The following ACO1 variants were observed in gnomAD, a reference collection of about 807,000 sequenced individuals.
The protein encoded by ACO1 is cytoplasmic aconitate hydratase.
ACO1 carries 78 observed loss-of-function variants against 105.1 expected under a neutral mutation model. That is an observed-to-expected ratio of 0.74 (90% confidence interval 0.62 to 0.90). The LOEUF is 0.90. ACO1 is among the 40% of genes least tolerant of loss of function. The probability of loss-of-function intolerance (pLI) is 0.00; values close to 1 mark genes in which losing one functional copy is unlikely to be tolerated. For synonymous variants in ACO1, 364 were observed against 397.4 expected (o/e 0.92, Z 1.00); for missense variants, 965 against 1,111.1 (o/e 0.87, Z 1.87).
At chr9:32,408,207 T>A (rs888800379) in intron 3 of ACO1, among the ~76,000 whole-genome samples, 1 of 152,194 alleles carries the variant, frequency 6.6e-6, no homozygotes, top group African/African-American at 2.4e-5. Context: ...CTCACAGCAG[T>A]AAGAGTTCCA....
chr9:32,440,404 G>T, intron 18 of ACO1, 61 bp from the exon 19 acceptor site: 1 of 1,607,430 alleles, frequency 6.2e-7, no homozygotes, highest in East Asian at 2.2e-5. Context: ...CAGGGCTCAG[G>T]GGACCTGTGT....
chr9:32,422,157 T>C (rs1190150720), intron 8 of ACO1, among the ~76,000 whole-genome samples: 5 of 152,204 alleles, frequency 3.3e-5, no homozygotes, highest in Non-Finnish European at 5.9e-5. Flanking sequence ...GAGATGGATC[T>C]AGAGGGAAGG....
chr9:32,443,121 G>C (rs1355628013), intron 19 of ACO1, among the ~76,000 whole-genome samples: 1 of 152,036 alleles, frequency 6.6e-6, no homozygotes, highest in Non-Finnish European at 1.5e-5. Context: ...GTAGGGCACA[G>C]ACCAGTAAAT....
intron 6 of ACO1, 137 bp downstream of exon 6, chr9:32,418,648 TC>T: frequency 2.0e-6 from 2 of 1,002,644 alleles, no homozygotes; most frequent in Non-Finnish European, 2.9e-6. Flanking sequence ...CTGCTGTTTT[TC>T]CAGTGCCTAG....
At position 32,440,793 on chromosome 9, in the gene ACO1, A is replaced by G. The variant is rs141406362; in HGVS notation, c.2370+206A>G. Among the ~76,000 whole-genome samples the G allele has an allele frequency of 7.8e-3, 1,190 of 152,324 alleles. 14 individuals are homozygous for G. Among genetic ancestry groups the G allele is most frequent in the African/African-American group, 0.027 (1,130 of 41,574 alleles). On this transcript the variant is annotated intron_variant, in intron 19 of 20. Transcript: ENST00000309951. ...GGCAATGCAGAGTTGAACTGGATCT[A>G]TCATTCATTAATGGACCTTGGGGGC...
chr9:32,423,721 A>G (rs1822027043), intron 9 of ACO1, among the ~76,000 whole-genome samples: 1 of 152,236 alleles, frequency 6.6e-6, no homozygotes, highest in Non-Finnish European at 1.5e-5. Context: ...CTAAAGGAAT[A>G]AGAATGATAC....
At chr9:32,423,550 T>C (rs1822023744) in intron 9 of ACO1, 131 bp downstream of exon 9, 1 of 703,180 alleles carries the variant, frequency 1.4e-6, no homozygotes, top group African/African-American at 1.9e-5. Context: ...GAACGGAGTT[T>C]TAGAAGGTTG....
At chr9:32,427,726 T>A (rs1294048898) in intron 12 of ACO1, among the ~76,000 whole-genome samples, 2 of 152,178 alleles carry the variant, frequency 1.3e-5, no homozygotes, top group Non-Finnish European at 2.9e-5. Flanking sequence ...CACACTACTG[T>A]TGACTTTATA....
At position 32,450,498 on chromosome 9, in the gene ACO1, C is replaced by T. The variant is rs1822740161; in HGVS notation, c.*387C>T. 6.5e-6 allele frequency: 2 copies of T among 309,388 alleles called. No homozygotes were observed. Among genetic ancestry groups the T allele is most frequent in the Non-Finnish European group, 1.3e-5 (2 of 158,958 alleles). The allele number at this position is 309,388 out of a possible 1,614,324, so 19.2% of individuals were successfully genotyped here. A position where few individuals can be genotyped will look rare whatever the true frequency, so the allele number is the denominator to read the frequency against. On this transcript the variant is annotated 3_prime_UTR_variant, in exon 21 of 21. Transcript: ENST00000309951. ...CTACCCTCTTATTGTTCCTCTTACG[C>T]TCTGCTCAATGAAACCTTCCTCTTG...
At chr9:32,387,127 C>A (rs1821171975) in intron 1 of ACO1, among the ~76,000 whole-genome samples, 1 of 152,166 alleles carries the variant, frequency 6.6e-6, no homozygotes, top group Non-Finnish European at 1.5e-5. Flanking sequence ...CCCCACTCTT[C>A]CTTCTACATA....
In ACO1 at chr9:32,401,584, GGTGCCATGCCTTA is replaced by G. The variant is rs1821496914; in HGVS notation, c.-22-3891_-22-3879del. On this transcript the variant is annotated intron_variant, in intron 1 of 20. Transcript: ENST00000309951. ...TGTCCCTAGGGAATGGTGACAGGTT[GGTGCCATGCCTTA>G]GTGCCATGCTATGTATGCACAAAAG... Among the ~76,000 whole-genome samples, 3 of 152,146 alleles carry G rather than the reference GGTGCCATGCCTTA, an allele frequency of 2.0e-5. No homozygotes were observed. In the South Asian group the frequency reaches 6.2e-4, roughly 32 times the overall value.
chr9:32,398,832 C>G (rs906165799), intron 1 of ACO1, among the ~76,000 whole-genome samples: 11 of 152,112 alleles, frequency 7.2e-5, no homozygotes, highest in African/African-American at 2.4e-4. Context: ...TGGGCTCAAG[C>G]AGTCCACCCA....
intron 18 of ACO1, among the ~76,000 whole-genome samples, chr9:32,438,439 A>T (rs1378951087): frequency 6.6e-6 from 1 of 152,212 alleles, no homozygotes; most frequent in East Asian, 1.9e-4. Flanking sequence ...ACAGGAATGC[A>T]CCAAGCCCAG....
chr9:32,403,012 A>T (rs998777643), intron 1 of ACO1, among the ~76,000 whole-genome samples: 8 of 152,174 alleles, frequency 5.3e-5, no homozygotes, highest in Non-Finnish European at 1.2e-4. Flanking sequence ...AAAGAAGTAA[A>T]GGCAACTCCA....
intron 1 of ACO1, among the ~76,000 whole-genome samples, chr9:32,403,265 G>T (rs1821537162): frequency 6.6e-6 from 1 of 152,208 alleles, no homozygotes. Flanking sequence ...TGGAAATAAT[G>T]ATAGATTTCA....
intron 9 of ACO1, among the ~76,000 whole-genome samples, chr9:32,423,872 C>T (rs1265167052): frequency 6.6e-6 from 1 of 152,066 alleles, no homozygotes; most frequent in Non-Finnish European, 1.5e-5. Context: ...ATTCATGTAA[C>T]CAAACACCAC....
At chr9:32,400,349 T>C (rs796244762) in intron 1 of ACO1, among the ~76,000 whole-genome samples, 5 of 150,094 alleles carry the variant, frequency 3.3e-5, no homozygotes, top group African/African-American at 1.2e-4. Flanking sequence ...TTTGGTATCC[T>C]GCTGAGATTG....
intron 1 of ACO1, among the ~76,000 whole-genome samples, chr9:32,399,964 C>CTTT (rs1300474052): frequency 4.7e-4 from 20 of 42,420 alleles, no homozygotes; most frequent in South Asian, 8.4e-4. Flanking sequence ...TTTTCTTTTT[C>CTTT]TGTTTTTTTT....
At chr9:32,418,090 G>C in intron 4 of ACO1, 38 bp from the exon 5 acceptor site, 1 of 1,588,844 alleles carries the variant, frequency 6.3e-7, no homozygotes, top group Non-Finnish European at 8.6e-7. Flanking sequence ...AATATGTTAA[G>C]TCTCAAATTG....
Sources: gnomAD v4.1 joint callset for allele counts (sites outside exome capture counted in the v4.1 genomes callset) on GRCh38, gnomAD v4.1.1 for gene constraint, MANE v1.5 for transcripts, NCBI Gene and HGNC (gene_info 2026-07-23, HGNC 2026-07-21) for gene names.